NCKAP5: variants seen among roughly 807,000 people sequenced by gnomAD.
The protein encoded by NCKAP5 is nck-associated protein 5.
A neutral mutation model predicts 167.0 loss-of-function variants in NCKAP5; 92 were observed. The observed-to-expected ratio is 0.55, with a 90% CI of 0.47 to 0.66. The LOEUF (loss-of-function observed/expected upper bound fraction) is 0.66, where lower values mean the gene tolerates loss of function less well. NCKAP5 is among the 30% of genes least tolerant of loss of function. The pLI is 0.00. For missense variants in NCKAP5, 2,378 were observed against 2,315.0 expected (o/e 1.03, Z -0.56); for synonymous variants, 891 against 877.4 (o/e 1.02, Z -0.27).
the NCKAP5 span, among the ~76,000 whole-genome samples, chr2:133,609,540 A>C: frequency 1.3e-5 from 2 of 151,942 alleles, no homozygotes; most frequent in Non-Finnish European, 2.9e-5. Flanking sequence ...CCATACTCTC[A>C]CCCGATGCTC....
chr2:132,838,519 C>T (rs1457414368), intron 11 of NCKAP5, among the ~76,000 whole-genome samples: 1 of 152,094 alleles, frequency 6.6e-6, no homozygotes, highest in African/African-American at 2.4e-5. Flanking sequence ...GTAGTCCCAG[C>T]TACTCGGGAG....
At position 133,518,575 on chromosome 2, in the gene NCKAP5, C is replaced by T. The variant is rs531262686; in HGVS notation, c.-61-988G>A. On this transcript the variant is annotated intron_variant, in intron 2 of 19. Coordinates refer to ENST00000409261, the MANE Select transcript of NCKAP5 (RefSeq NM_207363.3). ...TTCACCGTGTTAGCCAGGATGGTCT[C>T]GATCTCCTGAGCTCATGATCTGCCT... 4.5e-4 allele frequency among the ~76,000 whole-genome samples: 69 copies of T among 151,956 alleles called. 2 individuals carry two copies. Among genetic ancestry groups the T allele is most frequent in the African/African-American group, 1.5e-3 (63 of 41,458 alleles).
intron 6 of NCKAP5, among the ~76,000 whole-genome samples, chr2:133,007,201 T>C (rs926550477): frequency 1.4e-4 from 21 of 152,338 alleles, no homozygotes; most frequent in African/African-American, 4.6e-4. Flanking sequence ...GTAAAATGAA[T>C]ACATCCTCCC....
At chr2:132,876,166 C>T (rs957679074) in intron 9 of NCKAP5, among the ~76,000 whole-genome samples, 3 of 152,120 alleles carry the variant, frequency 2.0e-5, no homozygotes, top group Non-Finnish European at 4.4e-5. Context: ...CTCACTGCAG[C>T]CTCGACCTCC....
intron 12 of NCKAP5, among the ~76,000 whole-genome samples, chr2:132,792,106 G>A (rs1684124648): frequency 6.6e-6 from 1 of 152,172 alleles, no homozygotes. Flanking sequence ...AGGCTGGAGT[G>A]CAATGGCATG....
chr2:133,195,181 A>G (rs1316556521), intron 5 of NCKAP5, among the ~76,000 whole-genome samples: 1 of 152,126 alleles, frequency 6.6e-6, no homozygotes, highest in Non-Finnish European at 1.5e-5. Flanking sequence ...TGCCAGGACA[A>G]CATGAATGAT....
At chr2:132,866,665 A>G (rs1056849954) in intron 10 of NCKAP5, among the ~76,000 whole-genome samples, 1 of 152,176 alleles carries the variant, frequency 6.6e-6, no homozygotes, top group Admixed American at 6.6e-5. Context: ...CCCAGTGAAG[A>G]GCTGAAGCCA....
chr2:133,485,163 T>C (rs1157249578), intron 3 of NCKAP5, among the ~76,000 whole-genome samples: 1 of 152,190 alleles, frequency 6.6e-6, no homozygotes, highest in East Asian at 1.9e-4. Context: ...CACAAAGATA[T>C]TATATTTATA....
At chr2:132,727,033 T>A (rs1690523970) in intron 18 of NCKAP5, among the ~76,000 whole-genome samples, 1 of 152,180 alleles carries the variant, frequency 6.6e-6, no homozygotes, top group South Asian at 2.1e-4. Flanking sequence ...AATATAAAGC[T>A]AATTCCTGCT....
At chr2:132,927,293 G>T (rs143958150) in intron 8 of NCKAP5, among the ~76,000 whole-genome samples, 47 of 152,194 alleles carry the variant, frequency 3.1e-4, no homozygotes, top group Admixed American at 1.4e-3. Context: ...TTTGAGGTCA[G>T]GTAATGTGAT....
At chr2:132,808,388 T>A (rs201366161) in intron 11 of NCKAP5, among the ~76,000 whole-genome samples, 13,980 of 152,108 alleles carry the variant, frequency 0.092, 856 homozygotes, top group East Asian at 0.2. Context: ...CATCTGGTCC[T>A]GAACTTTTTT....
chr2:132,889,252 A>G (rs556440515), intron 8 of NCKAP5, among the ~76,000 whole-genome samples: 1 of 152,250 alleles, frequency 6.6e-6, no homozygotes, highest in South Asian at 2.1e-4. Context: ...CAAATTTCTG[A>G]CCCATAAAAT....
chr2:132,976,461 G>C (rs1277214436), intron 7 of NCKAP5, among the ~76,000 whole-genome samples: 1 of 151,724 alleles, frequency 6.6e-6, no homozygotes, highest in Non-Finnish European at 1.5e-5. Flanking sequence ...CTACTCGGGA[G>C]GCTGAAGCAG....
chr2:133,209,305 A>C (rs2086102504), intron 5 of NCKAP5, among the ~76,000 whole-genome samples: 1 of 151,192 alleles, frequency 6.6e-6, no homozygotes, highest in South Asian at 2.1e-4. Flanking sequence ...ACTGAACAGT[A>C]AGTATGAAAA....
intron 4 of NCKAP5, among the ~76,000 whole-genome samples, chr2:133,273,740 A>G (rs2089611215): frequency 6.6e-6 from 1 of 151,960 alleles, no homozygotes; most frequent in Non-Finnish European, 1.5e-5. Context: ...GTGTTACTAA[A>G]TAAGATTTAT....
chr2:132,680,063 G>A (rs1481437251), intron 19 of NCKAP5, among the ~76,000 whole-genome samples: 2 of 152,006 alleles, frequency 1.3e-5, no homozygotes, highest in East Asian at 3.9e-4. Flanking sequence ...AATGACCTTT[G>A]GTGATCACTA....
chr2:133,655,993 C>A, the NCKAP5 span, among the ~76,000 whole-genome samples: 2 of 152,176 alleles, frequency 1.3e-5, no homozygotes, highest in African/African-American at 4.8e-5. Flanking sequence ...CAATTGCTAG[C>A]TTTCCTCCAC....
intron 3 of NCKAP5, among the ~76,000 whole-genome samples, chr2:133,402,283 C>A (rs1688153984): frequency 1.3e-5 from 2 of 151,980 alleles, no homozygotes; most frequent in Admixed American, 1.3e-4. Context: ...AAAATAGGAC[C>A]CTGAGGCCTG....
intron 3 of NCKAP5, among the ~76,000 whole-genome samples, chr2:133,343,615 A>G (rs1012846162): frequency 1.3e-5 from 2 of 152,126 alleles, no homozygotes; most frequent in Non-Finnish European, 2.9e-5. Flanking sequence ...CATCCATTCA[A>G]CCATCCATTT....
Sources: allele counts gnomAD v4.1 joint callset (sites outside exome capture counted in the v4.1 genomes callset), GRCh38; gene constraint gnomAD v4.1.1; transcripts MANE v1.5; gene names NCBI Gene and HGNC (gene_info 2026-07-23, HGNC 2026-07-21).